Variants in SHISA6 observed in about 807,000 individuals in gnomAD.
The protein encoded by SHISA6 is protein shisa-6.
In SHISA6, 22 loss-of-function variants were observed where a neutral mutation model predicts 47.9. The ratio of observed to expected loss-of-function variants is 0.46; its 90% CI spans 0.33 to 0.66. SHISA6 has a LOEUF of 0.66. Among genes scored for constraint, SHISA6 ranks in the 30% least tolerant of loss-of-function variants. The pLI is 0.02. For missense variants in SHISA6, 680 were observed against 764.6 expected (o/e 0.89, Z 1.30); for synonymous variants, 388 against 337.8 (o/e 1.15, Z -1.63).
intron 3 of SHISA6, among the ~76,000 whole-genome samples, chr17:11,425,562 TC>T (rs1367734025): frequency 6.6e-6 from 1 of 152,176 alleles, no homozygotes; most frequent in Non-Finnish European, 1.5e-5. Flanking sequence ...TCCTTTGGCT[TC>T]AAGTGACAGA....
intron 2 of SHISA6, among the ~76,000 whole-genome samples, chr17:11,341,719 T>C (rs1331304855): frequency 6.6e-6 from 1 of 152,148 alleles, no homozygotes; most frequent in Non-Finnish European, 1.5e-5. Context: ...GCAATTTTAA[T>C]GCCAACAGCC....
At chr17:11,525,631 C>CAAAAAAAAAAAAAAAAAAAAA (rs548619604) in intron 3 of SHISA6, among the ~76,000 whole-genome samples, 1 of 58,906 alleles carries the variant, frequency 1.7e-5, no homozygotes, top group Non-Finnish European at 3.0e-5. Context: ...GACTCCGTCT[C>CAAAAAAAAAAAAAAAAAAAAA]AAAAAAAAAA....
intron 3 of SHISA6, among the ~76,000 whole-genome samples, chr17:11,537,328 C>G (rs1381504669): frequency 6.6e-6 from 1 of 152,100 alleles, no homozygotes; most frequent in Non-Finnish European, 1.5e-5. Context: ...ATAATGTCAT[C>G]AGCAACCAAC....
At chr17:11,484,659 A>C (rs1403540663) in intron 3 of SHISA6, among the ~76,000 whole-genome samples, 1 of 152,232 alleles carries the variant, frequency 6.6e-6, no homozygotes, top group Non-Finnish European at 1.5e-5. Flanking sequence ...TTGGCCTCCC[A>C]AAGTGCTGGG....
chr17:11,247,754 C>T (rs1907647169), intron 1 of SHISA6, among the ~76,000 whole-genome samples: 2 of 151,568 alleles, frequency 1.3e-5, no homozygotes, highest in African/African-American at 4.8e-5. Flanking sequence ...ACGTTTATGA[C>T]CTCACCTCTT....
At chr17:11,373,840 T>C (rs2142239981) in intron 2 of SHISA6, among the ~76,000 whole-genome samples, 1 of 152,366 alleles carries the variant, frequency 6.6e-6, no homozygotes, top group Non-Finnish European at 1.5e-5. Context: ...TAATTGTCGG[T>C]ATTACAAACA....
intron 3 of SHISA6, among the ~76,000 whole-genome samples, chr17:11,400,694 C>A (rs1005014861): frequency 2.0e-5 from 3 of 152,130 alleles, no homozygotes; most frequent in Non-Finnish European, 4.4e-5. Context: ...TCCTATATTT[C>A]TTTCATTTTC....
At chr17:11,315,376 T>G (rs1194998328) in intron 2 of SHISA6, among the ~76,000 whole-genome samples, 1 of 152,194 alleles carries the variant, frequency 6.6e-6, no homozygotes, top group Non-Finnish European at 1.5e-5. Flanking sequence ...TCGTATCACC[T>G]GCAAAGAATG....
chr17:11,334,365 G>A (rs956333405), intron 2 of SHISA6, among the ~76,000 whole-genome samples: 2 of 152,180 alleles, frequency 1.3e-5, no homozygotes, highest in Non-Finnish European at 2.9e-5. Flanking sequence ...GAAGCGTTGT[G>A]AGTAAAAACA....
intron 2 of SHISA6, among the ~76,000 whole-genome samples, chr17:11,361,880 A>G (rs946771015): frequency 1.3e-5 from 2 of 152,112 alleles, no homozygotes; most frequent in African/African-American, 2.4e-5. Flanking sequence ...GCGGAATTCT[A>G]TCGGTACCAT....
chr17:11,423,215 ATGTGTGTGTGTG>A (rs140387181), intron 3 of SHISA6, among the ~76,000 whole-genome samples: 19 of 135,702 alleles, frequency 1.4e-4, no homozygotes, highest in Non-Finnish European at 2.3e-4. Context: ...ACATATATGT[ATGTGTGTGTGTG>A]TGTGTGTGTG....
At position 11,263,348 on chromosome 17, in the gene SHISA6, G is replaced by T; in HGVS notation, c.639-18G>T. On this transcript the variant is annotated intron_variant, in intron 1 of 5. Coordinates refer to ENST00000441885, the MANE Select transcript of SHISA6 (RefSeq NM_207386.4). ...ACCTGCTCAGTGAATCTCATTATGT[G>T]ATCTCCTCCTTGTTTAGGGCTCTGG... is the stretch of plus-strand genomic sequence containing the variant. 1 of 1,551,574 alleles carries T rather than the reference G, an allele frequency of 6.4e-7. No homozygotes were observed. Among genetic ancestry groups the T allele is most frequent in the Non-Finnish European group, 8.7e-7 (1 of 1,146,808 alleles).
chr17:11,327,234 C>A (rs1318222571), intron 2 of SHISA6, among the ~76,000 whole-genome samples: 3 of 152,162 alleles, frequency 2.0e-5, no homozygotes, highest in Non-Finnish European at 4.4e-5. Flanking sequence ...AGGTCGCATA[C>A]CATGAATACA....
intron 3 of SHISA6, among the ~76,000 whole-genome samples, chr17:11,549,394 T>A (rs1391852681): frequency 1.3e-5 from 2 of 151,432 alleles, no homozygotes; most frequent in Non-Finnish European, 2.9e-5. Context: ...TACTTGTAAA[T>A]CAAGACATAT....
At chr17:11,450,879 C>A (rs924755215) in intron 3 of SHISA6, among the ~76,000 whole-genome samples, 2 of 152,016 alleles carry the variant, frequency 1.3e-5, no homozygotes, top group Admixed American at 1.3e-4. Context: ...AACCTTGCCC[C>A]TCAAGCGCTG....
In SHISA6 at chr17:11,379,487, A is replaced by T. The variant is rs1271638855; in HGVS notation, c.873A>T (p.Thr291=). Reference sequence around the variant, plus strand: ...ACTTCATCTCATCTGGATTTGTCACATTAGGAAGAGGACACACCAAGGGTA... The same window carrying T: ...ACTTCATCTCATCTGGATTTGTCACTTTAGGAAGAGGACACACCAAGGGTA... ...LHNFISSGFV[T]LGRGHTKGDH... is the part of the protein sequence containing the mutation. Residue 291 remains threonine, a synonymous_variant, in exon 3 of 6, where the codon ACA becomes ACT. Transcript: ENST00000441885. 6.5e-7 allele frequency: 1 copy of T among 1,539,644 alleles called. No individual in the cohort carries two copies.
chr17:11,278,093 AT>A lies in SHISA6; in HGVS notation c.799+14568del, dbSNP rs375740292. Among the ~76,000 whole-genome samples, 927 of 152,356 alleles carry A rather than the reference AT, an allele frequency of 6.1e-3. 8 individuals carry two copies. The highest frequency in any genetic ancestry group is 0.024 in the Middle Eastern group (7 of 294). On this transcript the variant is annotated intron_variant, in intron 2 of 5. Transcript: ENST00000441885. ...CCACAAACCGTTGGTATTAAAAAAT[AT>A]CAGGTGAAGTGAGCTGCTGTGGCTG...
At chr17:11,552,692 A>G (rs1464883357) in intron 4 of SHISA6, among the ~76,000 whole-genome samples, 1 of 152,250 alleles carries the variant, frequency 6.6e-6, no homozygotes, top group East Asian at 1.9e-4. Flanking sequence ...GCTACCTGGT[A>G]GAGAGACCTA....
intron 3 of SHISA6, among the ~76,000 whole-genome samples, chr17:11,429,989 G>A (rs1209461623): frequency 6.6e-6 from 1 of 152,012 alleles, no homozygotes; most frequent in Non-Finnish European, 1.5e-5. Flanking sequence ...GGAAGAAAGG[G>A]AACTAACATT....
Sources: gnomAD v4.1 joint callset for allele counts (sites outside exome capture counted in the v4.1 genomes callset) on GRCh38, gnomAD v4.1.1 for gene constraint, MANE v1.5 for transcripts, NCBI Gene and HGNC (gene_info 2026-07-23, HGNC 2026-07-21) for gene names.